Variants in ZAR1L observed in about 807,000 individuals in gnomAD.
The protein encoded by ZAR1L is protein ZAR1-like.
In ZAR1L, 16 loss-of-function variants were observed where a neutral mutation model predicts 30.0. The observed-to-expected ratio is 0.53, with a 90% confidence interval of 0.36 to 0.81. ZAR1L has a LOEUF of 0.81. Among genes scored for constraint, ZAR1L ranks in the 30% least tolerant of loss-of-function variants. The pLI is 0.00. For missense variants in ZAR1L, 392 were observed against 417.2 expected, an observed-to-expected ratio of 0.94 and a Z score of 0.53; for synonymous variants, 197 against 166.8, an observed-to-expected ratio of 1.18 and a Z score of -1.40.
In ZAR1L at chr13:32,311,347, C is replaced by A; in HGVS notation, c.579G>T (p.Pro193=). The A allele has an allele frequency of 4.5e-6, 7 of 1,550,986 alleles. No individual in the cohort carries two copies. The highest frequency in any genetic ancestry group is 5.2e-6 in the Non-Finnish European group (6 of 1,146,972). ...GCTTGCTCTTCGTCTCCTGAGGGCA[C>A]GGGGCGTCTTTCTCCCCCGATTCCT... is the stretch of plus-strand genomic sequence containing the variant. ...QLEESGEKDA[P]CPQETKSKQV... Residue 193 remains proline, a synonymous_variant, in exon 3 of 6, where the codon CCG becomes CCT. Transcript: ENST00000533490.
chr13:32,305,172 C>G (rs925935122), intron 5 of ZAR1L, among the ~76,000 whole-genome samples: 5 of 151,966 alleles, frequency 3.3e-5, no homozygotes, highest in African/African-American at 1.2e-4. Context: ...CAGTCTTAAA[C>G]ATTATTTAAT....
chr13:32,308,619 A>T (rs2072192357), intron 5 of ZAR1L, 67 bp downstream of exon 5: 2 of 1,219,248 alleles, frequency 1.6e-6, no homozygotes, highest in Non-Finnish European at 2.3e-6. Context: ...AAATCCTAAC[A>T]TTTTGTCACA....
rs752969196 is a variant in ZAR1L, at chr13:32,311,684, G to A, written c.242C>T (p.Pro81Leu). Reference sequence around the variant, plus strand: ...CTTGGTGTTGGGCTTGCACAGCCGCGGGCTCAGGCTGGGGTTCATCTGGGA... The same window carrying A: ...CTTGGTGTTGGGCTTGCACAGCCGCAGGCTCAGGCTGGGGTTCATCTGGGA... ...ILSQMNPSLS[P>L]RLCKPNTKEV... is the part of the protein sequence containing the mutation. Residue 81 changes from proline to leucine, a missense_variant, in exon 3 of 6, where the codon CCG becomes CTG. By Grantham distance (98) the Pro-to-Leu change is moderately conservative. Transcript: ENST00000533490. 2.4e-5 allele frequency: 38 copies of A among 1,551,628 alleles called. No individual in the cohort carries two copies. In the East Asian group the frequency reaches 7.6e-4, roughly 31 times the overall value.
At chr13:32,310,583 C>T (rs1566211083) in intron 4 of ZAR1L, 56 bp downstream of exon 4, 4 of 1,202,196 alleles carry the variant, frequency 3.3e-6, no homozygotes, top group South Asian at 1.3e-5. Flanking sequence ...GATTCTTCCC[C>T]GCTTACCATC....
chr13:32,311,163 G>T (rs2072209162), intron 3 of ZAR1L, 109 bp downstream of exon 3: 3 of 1,255,168 alleles, frequency 2.4e-6, no homozygotes, highest in Non-Finnish European at 3.2e-6. Flanking sequence ...CCTTCACCAA[G>T]TACATGGAAG....
At chr13:32,307,266 G>T (rs1005806792) in intron 5 of ZAR1L, among the ~76,000 whole-genome samples, 9 of 152,022 alleles carry the variant, frequency 5.9e-5, no homozygotes, top group African/African-American at 2.2e-4. Context: ...CACTTTGGGA[G>T]GCCGAAGCAC....
intron 4 of ZAR1L, among the ~76,000 whole-genome samples, chr13:32,309,959 A>G (rs963108136): frequency 2.0e-5 from 3 of 152,214 alleles, no homozygotes; most frequent in African/African-American, 7.2e-5. Context: ...CAATTTCTAA[A>G]CATGCGACAG....
At position 32,314,399 on chromosome 13, in the gene ZAR1L, G is replaced by A. The variant is rs527875481; in HGVS notation, c.-238C>T. 2 of 152,328 alleles carry A rather than the reference G, an allele frequency of 1.3e-5. No individual in the cohort carries two copies. Among genetic ancestry groups the A allele is most frequent in the African/African-American group, 4.8e-5 (2 of 41,556 alleles). The allele number at this position is 152,328 out of a possible 1,614,324, so 9.4% of individuals were successfully genotyped here. ...TTCTGGAAGCAGCAAGGCCCCCATG[G>A]GAGCAACTCTCACTGAATCCATTTG... On this transcript the variant is annotated 5_prime_UTR_variant, in exon 2 of 6. Transcript: ENST00000533490.
chr13:32,307,409 G>A (rs980180627), intron 5 of ZAR1L, among the ~76,000 whole-genome samples: 2 of 137,018 alleles, frequency 1.5e-5, no homozygotes, highest in Non-Finnish European at 3.0e-5. Flanking sequence ...TGGGGCAAGA[G>A]AATCACTTGA....
Position 32,304,038 on chromosome 13 carries a change from A to C in ZAR1L, c.823-16T>G. On this transcript the variant is annotated splice_polypyrimidine_tract_variant and intron_variant, in intron 5 of 5. Coordinates refer to ENST00000533490, the MANE Select transcript of ZAR1L (RefSeq NM_001136571.2). ...TTGAGCAGGTCTTTAGGAAACAAAGAAGAGTTTGGACGCTAAATGATCAGT... is the reference window on the plus strand; with the variant it reads ...TTGAGCAGGTCTTTAGGAAACAAAGCAGAGTTTGGACGCTAAATGATCAGT... The C allele has an allele frequency of 6.5e-7, 1 of 1,549,258 alleles. No homozygotes were observed. Among genetic ancestry groups the C allele is most frequent in the Non-Finnish European group, 8.7e-7 (1 of 1,146,218 alleles).
intron 5 of ZAR1L, among the ~76,000 whole-genome samples, chr13:32,307,122 T>C (rs1024155877): frequency 6.6e-6 from 1 of 151,872 alleles, no homozygotes; most frequent in Non-Finnish European, 1.5e-5. Flanking sequence ...TCTTATAAAA[T>C]TTTAAATATA....
At chr13:32,308,557 AT>A (rs1266884069) in intron 5 of ZAR1L, 128 bp downstream of exon 5, 1 of 654,752 alleles carries the variant, frequency 1.5e-6, no homozygotes, top group Non-Finnish European at 2.6e-6. Flanking sequence ...TTGTTCTAAA[AT>A]GTAACATCTC....
rs1172247863 is a variant in ZAR1L, at chr13:32,311,833, C to T, written c.93G>A (p.Gln31=). The part of the protein sequence containing the change: ...LGQPGLSGHK[Q]PDWRQNMGPP... ...GACCCATATTTTGCCTCCAGTCGGG[C>T]TGTTTGTGCCCTGAGAGTCCAGGCT... The change falls in exon 3 of 6, where the codon CAG becomes CAA. Residue 31 remains glutamine, a synonymous_variant. Transcript: ENST00000533490. 2 of 1,551,682 alleles carry T rather than the reference C, an allele frequency of 1.3e-6. No individual in the cohort carries two copies. Among genetic ancestry groups the T allele is most frequent in the South Asian group, 1.2e-5 (1 of 84,068 alleles).
Position 32,311,258 on chromosome 13 carries a change from A to G in ZAR1L, c.654+14T>C. 1 of 1,540,420 alleles carries G rather than the reference A, an allele frequency of 6.5e-7. No homozygotes were observed. The highest frequency in any genetic ancestry group is 8.8e-7 in the Non-Finnish European group (1 of 1,141,822). ...GGCTGGTCGAGGACTAAGAAGAGGG[A>G]AGAGAGGATCTACCTGGAAGTTGGG... is the stretch of plus-strand genomic sequence containing the variant. On this transcript the variant is annotated intron_variant, in intron 3 of 5. Coordinates refer to ENST00000533490, the MANE Select transcript of ZAR1L (RefSeq NM_001136571.2).
chr13:32,309,728 A>G (rs1457079589), intron 4 of ZAR1L, among the ~76,000 whole-genome samples: 1 of 152,248 alleles, frequency 6.6e-6, no homozygotes, highest in Non-Finnish European at 1.5e-5. Context: ...AAATTCCTTG[A>G]GAACAAGTCC....
intron 5 of ZAR1L, among the ~76,000 whole-genome samples, chr13:32,305,496 G>T (rs1430993602): frequency 6.6e-6 from 1 of 152,206 alleles, no homozygotes; most frequent in Non-Finnish European, 1.5e-5. Context: ...AAAGTGCTGG[G>T]ATTACAGGCG....
At chr13:32,314,200 G>A (rs927076283) in intron 2 of ZAR1L, 130 bp downstream of exon 2, 7 of 140,042 alleles carry the variant, frequency 5.0e-5, no homozygotes, top group South Asian at 4.6e-4. Context: ...GATCACAGAC[G>A]TATTTCTTTG....
chr13:32,312,931 T>C (rs2072224872), intron 2 of ZAR1L, among the ~76,000 whole-genome samples: 1 of 152,024 alleles, frequency 6.6e-6, no homozygotes, highest in African/African-American at 2.4e-5. Flanking sequence ...TGCAACAACA[T>C]GGGTGAAACT....
At chr13:32,311,018 C>T (rs1012719446) in intron 3 of ZAR1L, among the ~76,000 whole-genome samples, 1 of 152,144 alleles carries the variant, frequency 6.6e-6, no homozygotes, top group Non-Finnish European at 1.5e-5. Flanking sequence ...AGCCCTTCTT[C>T]GTCTCCAAAT....
Sources: gnomAD v4.1 joint callset for allele counts (sites outside exome capture counted in the v4.1 genomes callset) on GRCh38, gnomAD v4.1.1 for gene constraint, MANE v1.5 for transcripts, NCBI Gene and HGNC (gene_info 2026-07-23, HGNC 2026-07-21) for gene names.